Variants in ANTXR2 observed in about 807,000 individuals in gnomAD.
ANTXR2 encodes the protein anthrax toxin receptor 2.
A neutral mutation model predicts 73.7 loss-of-function variants in ANTXR2; 44 were observed. That is an observed-to-expected ratio of 0.60 (90% confidence interval 0.47 to 0.77). The LOEUF (loss-of-function observed/expected upper bound fraction) is 0.77. Among genes scored for constraint, ANTXR2 ranks in the 30% least tolerant of loss-of-function variants. The probability of loss-of-function intolerance (pLI) is 0.00; values close to 1 mark genes in which losing one functional copy is unlikely to be tolerated. For missense variants in ANTXR2, 604 were observed against 592.5 expected (o/e 1.02, Z -0.20); for synonymous variants, 217 against 205.9 (o/e 1.05, Z -0.46).
intron 16 of ANTXR2, among the ~76,000 whole-genome samples, chr4:79,956,598 A>G (rs1728894748): frequency 6.6e-6 from 1 of 152,246 alleles, no homozygotes. Context: ...GTGATAATTA[A>G]ACATACATAA....
chr4:79,961,632 G>A (rs1298035173), intron 16 of ANTXR2, among the ~76,000 whole-genome samples: 1 of 151,928 alleles, frequency 6.6e-6, no homozygotes, highest in African/African-American at 2.4e-5. Context: ...TAGAGACGGG[G>A]TCTCCCTATG....
intron 3 of ANTXR2, among the ~76,000 whole-genome samples, chr4:80,060,864 T>C (rs1268737226): frequency 1.3e-5 from 2 of 152,112 alleles, no homozygotes; most frequent in Non-Finnish European, 1.5e-5. Flanking sequence ...ATCAGCAAAA[T>C]TGATTGTTTC....
intron 16 of ANTXR2, among the ~76,000 whole-genome samples, chr4:79,913,675 C>T (rs1011853831): frequency 9.9e-5 from 15 of 152,136 alleles, no homozygotes; most frequent in Non-Finnish European, 1.5e-5. Flanking sequence ...GTTTGCAAAA[C>T]TACTCCCAGT....
intron 16 of ANTXR2, among the ~76,000 whole-genome samples, chr4:79,952,422 T>A (rs191985053): frequency 6.6e-6 from 1 of 151,842 alleles, no homozygotes; most frequent in Admixed American, 6.6e-5. Context: ...AAGAAAAAAA[T>A]TTTTTCTCGA....
intron 12 of ANTXR2, among the ~76,000 whole-genome samples, chr4:79,985,145 G>A (rs1007333448): frequency 6.6e-6 from 1 of 151,922 alleles, no homozygotes; most frequent in Non-Finnish European, 1.5e-5. Context: ...TCAGCAGATC[G>A]AGACCATCCT....
intron 16 of ANTXR2, among the ~76,000 whole-genome samples, chr4:79,973,234 T>C (rs952361438): frequency 1.1e-4 from 16 of 152,226 alleles, no homozygotes; most frequent in Admixed American, 9.8e-4. Flanking sequence ...CCTTCAATTA[T>C]CCTAATAATG....
chr4:79,995,918 G>C (rs568918962), intron 12 of ANTXR2, among the ~76,000 whole-genome samples: 27 of 152,102 alleles, frequency 1.8e-4, no homozygotes, highest in Middle Eastern at 6.8e-3. Flanking sequence ...TTCAGAAACT[G>C]AACCAGAGCT....
chr4:79,985,592 A>G (rs1170408979), intron 12 of ANTXR2, among the ~76,000 whole-genome samples: 1 of 152,056 alleles, frequency 6.6e-6, no homozygotes, highest in Non-Finnish European at 1.5e-5. Flanking sequence ...TATTTCAGCC[A>G]TTCGAGAGGA....
At chr4:79,944,930 T>C (rs1377283227) in intron 16 of ANTXR2, among the ~76,000 whole-genome samples, 9 of 152,270 alleles carry the variant, frequency 5.9e-5, no homozygotes, top group African/African-American at 2.2e-4. Flanking sequence ...AACACTTCAA[T>C]TTTCTACTCT....
intron 11 of ANTXR2, among the ~76,000 whole-genome samples, chr4:80,011,244 C>G (rs6813803): frequency 0.16 from 25,007 of 151,932 alleles, 3,204 homozygotes; most frequent in African/African-American, 0.36. Flanking sequence ...ATGGGAAAAG[C>G]GTCAGGGAAA....
At chr4:80,026,561 T>C (rs536731993) in intron 10 of ANTXR2, among the ~76,000 whole-genome samples, 1 of 152,216 alleles carries the variant, frequency 6.6e-6, no homozygotes, top group East Asian at 1.9e-4. Context: ...CATATAGGTG[T>C]CCATCTTTAA....
chr4:80,029,774 C>T (rs1256409797), intron 10 of ANTXR2, among the ~76,000 whole-genome samples: 3 of 151,388 alleles, frequency 2.0e-5, no homozygotes, highest in Non-Finnish European at 4.4e-5. Flanking sequence ...AAGAGCAATC[C>T]AAGCAGAGGC....
At chr4:80,019,277 G>T (rs1425295217) in intron 10 of ANTXR2, among the ~76,000 whole-genome samples, 1 of 152,188 alleles carries the variant, frequency 6.6e-6, no homozygotes, top group African/African-American at 2.4e-5. Flanking sequence ...TGAGGCAGGA[G>T]AATTGCTGGA....
chr4:80,041,953 G>C (rs1004808920), intron 7 of ANTXR2, among the ~76,000 whole-genome samples: 2 of 151,976 alleles, frequency 1.3e-5, no homozygotes, highest in Non-Finnish European at 2.9e-5. Context: ...CTTTGTAATA[G>C]AATGTATGTT....
At chr4:79,928,888 C>T (rs901975012) in intron 16 of ANTXR2, among the ~76,000 whole-genome samples, 2 of 152,080 alleles carry the variant, frequency 1.3e-5, no homozygotes, top group African/African-American at 4.8e-5. Context: ...AAGAAAATAC[C>T]TGACATTTCA....
At chr4:80,056,839 G>A (rs777369358) in intron 3 of ANTXR2, among the ~76,000 whole-genome samples, 19 of 151,780 alleles carry the variant, frequency 1.3e-4, no homozygotes, top group Admixed American at 1.1e-3. Context: ...TATCAGTTAA[G>A]GGAAGTCCCA....
chr4:79,954,388 G>A (rs1728814930), intron 16 of ANTXR2, among the ~76,000 whole-genome samples: 1 of 152,138 alleles, frequency 6.6e-6, no homozygotes, highest in African/African-American at 2.4e-5. Context: ...ACTGTGAGAT[G>A]TTTTGATAAT....
chr4:79,975,758 T>G (rs1729597032), intron 16 of ANTXR2, among the ~76,000 whole-genome samples: 1 of 152,170 alleles, frequency 6.6e-6, no homozygotes, highest in African/African-American at 2.4e-5. Flanking sequence ...CAGATGAATT[T>G]AAAAAGATAC....
At chr4:80,004,685 G>A (rs1386769186) in intron 12 of ANTXR2, among the ~76,000 whole-genome samples, 1 of 152,050 alleles carries the variant, frequency 6.6e-6, no homozygotes, top group Admixed American at 6.6e-5. Context: ...AGATCATCCT[G>A]AATAATGTCA....
Sources: allele counts gnomAD v4.1 joint callset (sites outside exome capture counted in the v4.1 genomes callset), GRCh38; gene constraint gnomAD v4.1.1; transcripts MANE v1.5; gene names NCBI Gene and HGNC (gene_info 2026-07-23, HGNC 2026-07-21).